Variants in DCC observed in about 807,000 individuals in gnomAD.
DCC encodes DCC netrin 1 receptor.
In DCC, 58 loss-of-function variants were observed where a neutral mutation model predicts 172.5. That is an observed-to-expected ratio of 0.34 (90% CI 0.27 to 0.42). The LOEUF is 0.42. DCC is among the 10% of genes least tolerant of loss of function. The pLI, the probability that DCC is intolerant of heterozygous loss-of-function variation, is 1.00. For missense variants in DCC, 1,740 were observed against 1,791.0 expected (o/e 0.97, Z 0.51); for synonymous variants, 709 against 644.5 (o/e 1.10, Z -1.52).
intron 1 of DCC, among the ~76,000 whole-genome samples, chr18:52,441,712 A>C (rs1447647794): frequency 1.3e-5 from 2 of 152,186 alleles, no homozygotes; most frequent in Admixed American, 6.5e-5. Flanking sequence ...GTACAAAAGA[A>C]AGTACTTCAA....
At chr18:52,750,957 C>T (rs1002842749) in intron 1 of DCC, among the ~76,000 whole-genome samples, 4 of 152,036 alleles carry the variant, frequency 2.6e-5, no homozygotes, top group African/African-American at 9.7e-5. Flanking sequence ...AATGAAATGC[C>T]ATTTCAAACA....
At chr18:52,784,789 G>A (rs1339029503) in intron 2 of DCC, among the ~76,000 whole-genome samples, 2 of 151,802 alleles carry the variant, frequency 1.3e-5, no homozygotes, top group African/African-American at 2.4e-5. Context: ...TATGTACCCT[G>A]GGGTTCATCG....
intron 1 of DCC, among the ~76,000 whole-genome samples, chr18:52,400,734 C>T (rs1986403807): frequency 6.6e-6 from 1 of 152,012 alleles, no homozygotes; most frequent in African/African-American, 2.4e-5. Flanking sequence ...GAAAATGTGG[C>T]ACATATACAC....
At chr18:52,515,932 A>AG in intron 1 of DCC, among the ~76,000 whole-genome samples, 1 of 151,144 alleles carries the variant, frequency 6.6e-6, no homozygotes, top group East Asian at 1.9e-4. Flanking sequence ...AAAATGGAAA[A>AG]AAAAAAAAAA....
chr18:52,862,568 C>T (rs1238878824), intron 2 of DCC, among the ~76,000 whole-genome samples: 1 of 151,894 alleles, frequency 6.6e-6, no homozygotes. Context: ...CATGGTGGCA[C>T]GTGCCTGTAG....
intron 2 of DCC, among the ~76,000 whole-genome samples, chr18:52,792,769 T>TATTCCATTCTATTCCATTCC (rs2037796638): frequency 1.5e-4 from 20 of 134,398 alleles, no homozygotes; most frequent in Non-Finnish European, 2.8e-4. Context: ...TATTCCATTC[T>TATTCCATTCTATTCCATTCC]ATTCCATTCC....
intron 1 of DCC, among the ~76,000 whole-genome samples, chr18:52,648,904 T>C (rs959034511): frequency 5.6e-4 from 86 of 152,274 alleles, no homozygotes; most frequent in African/African-American, 1.9e-3. Flanking sequence ...GGGTGGACGT[T>C]TCAGTGGTTG....
chr18:52,486,693 A>T (rs530704050), intron 1 of DCC, among the ~76,000 whole-genome samples: 1 of 152,142 alleles, frequency 6.6e-6, no homozygotes, highest in Admixed American at 6.5e-5. Context: ...ACGAACCACA[A>T]ATCTGCGAGT....
chr18:52,358,980 A>G (rs906685999), intron 1 of DCC, among the ~76,000 whole-genome samples: 5 of 152,150 alleles, frequency 3.3e-5, no homozygotes, highest in African/African-American at 1.2e-4. Context: ...GTGTCTTCCA[A>G]TTTATAAAAT....
chr18:52,714,859 T>A (rs1392308209), intron 1 of DCC, among the ~76,000 whole-genome samples: 1 of 152,200 alleles, frequency 6.6e-6, no homozygotes, highest in Non-Finnish European at 1.5e-5. Flanking sequence ...TCTTTGATAG[T>A]CAAAATGAAC....
chr18:52,691,455 A>G (rs76824818), intron 1 of DCC, among the ~76,000 whole-genome samples: 9,494 of 151,896 alleles, frequency 0.063, 355 homozygotes, highest in South Asian at 0.16. Context: ...GTAGGGCCAC[A>G]CTCCTTCTGG....
intron 2 of DCC, among the ~76,000 whole-genome samples, chr18:52,879,462 C>T (rs11082955): frequency 4.6e-5 from 6 of 131,670 alleles, no homozygotes; most frequent in African/African-American, 1.5e-4. Flanking sequence ...TTCACTCTGC[C>T]GCCCAGGCTG....
intron 1 of DCC, among the ~76,000 whole-genome samples, chr18:52,496,568 AG>A (rs1171342284): frequency 1.3e-5 from 2 of 152,086 alleles, no homozygotes; most frequent in Non-Finnish European, 2.9e-5. Context: ...CAAGTTGGGG[AG>A]CCTGTAGCTT....
At chr18:52,954,807 G>C (rs1388088573) in intron 5 of DCC, among the ~76,000 whole-genome samples, 2 of 152,152 alleles carry the variant, frequency 1.3e-5, no homozygotes, top group African/African-American at 2.4e-5. Context: ...GAGAGGAGTT[G>C]TATAAATATT....
chr18:52,749,897 A>G (rs563846682), intron 1 of DCC, among the ~76,000 whole-genome samples: 6 of 152,312 alleles, frequency 3.9e-5, no homozygotes, highest in South Asian at 4.1e-4. Flanking sequence ...TTTCTTCTTT[A>G]TTAATGCTAC....
At chr18:53,033,376 T>C (rs935838984) in intron 5 of DCC, among the ~76,000 whole-genome samples, 1 of 152,162 alleles carries the variant, frequency 6.6e-6, no homozygotes, top group Non-Finnish European at 1.5e-5. Flanking sequence ...TCCCAAGCAC[T>C]GTGAGATGGG....
intron 24 of DCC, among the ~76,000 whole-genome samples, chr18:53,464,645 A>C (rs2145177127): frequency 6.6e-6 from 1 of 152,056 alleles, no homozygotes; most frequent in African/African-American, 2.4e-5. Flanking sequence ...AAAACTGAAA[A>C]CCCACACACA....
At chr18:53,527,513 A>C (rs1254088356) in intron 28 of DCC, among the ~76,000 whole-genome samples, 2 of 152,020 alleles carry the variant, frequency 1.3e-5, no homozygotes, top group East Asian at 3.9e-4. Context: ...GAAGGAAAAA[A>C]TATAAAATAA....
chr18:52,548,368 C>A (rs1303029443), intron 1 of DCC, among the ~76,000 whole-genome samples: 1 of 152,060 alleles, frequency 6.6e-6, no homozygotes, highest in African/African-American at 2.4e-5. Context: ...AAACAACCAT[C>A]CTGCTTTTCC....
Sources: allele counts gnomAD v4.1 joint callset (sites outside exome capture counted in the v4.1 genomes callset), GRCh38; gene constraint gnomAD v4.1.1; transcripts MANE v1.5; gene names NCBI Gene and HGNC (gene_info 2026-07-23, HGNC 2026-07-21).